The following NAV3 variants were observed in gnomAD, a reference collection of about 807,000 sequenced individuals.
The protein encoded by NAV3 is pore membrane and/or filament interacting like protein 1.
A neutral mutation model predicts 244.7 loss-of-function variants in NAV3; 87 were observed. The ratio of observed to expected loss-of-function variants is 0.36; its 90% confidence interval spans 0.30 to 0.42. The LOEUF is 0.42. NAV3 is among the 20% of genes least tolerant of loss of function. The pLI is 1.00. For missense variants in NAV3, 2,663 were observed against 2,893.3 expected, an observed-to-expected ratio of 0.92 and a Z score of 1.83; for synonymous variants, 1,126 against 1,042.2, an observed-to-expected ratio of 1.08 and a Z score of -1.55.
At position 77,628,593 on chromosome 12, in the gene NAV3, C is replaced by T. The variant is rs1871741704; in HGVS notation, c.72+56327C>T. 3.3e-5 allele frequency among the ~76,000 whole-genome samples: 5 copies of T among 152,048 alleles called. No individual in the cohort carries two copies. In the South Asian group the frequency reaches 1.0e-3, roughly 32 times the overall value. ...TATTTGCAAATTGCTTTTCAAGAAT[C>T]CAAAATCTGTCCAGGTGTGGTGGCT... is the stretch of plus-strand genomic sequence containing the variant. On this transcript the variant is annotated intron_variant, in intron 2 of 8. Coordinates refer to the NAV3 transcript ENST00000550042.
chr12:77,801,080 A>G (rs2135970250), intron 2 of NAV3, among the ~76,000 whole-genome samples: 1 of 152,286 alleles, frequency 6.6e-6, no homozygotes, highest in East Asian at 1.9e-4. Context: ...TCTAATCCAG[A>G]TAGACCTCAG....
At chr12:77,833,090 A>T (rs547629466) in intron 1 of NAV3, among the ~76,000 whole-genome samples, 4 of 152,174 alleles carry the variant, frequency 2.6e-5, no homozygotes, top group Non-Finnish European at 5.9e-5. Context: ...AGTCTTTGCT[A>T]GCTATCCCTT....
chr12:77,618,259 A>G (rs1871220779), intron 2 of NAV3, among the ~76,000 whole-genome samples: 2 of 152,196 alleles, frequency 1.3e-5, no homozygotes, highest in African/African-American at 2.4e-5. Flanking sequence ...TTCATGACCC[A>G]TAGAAACTAC....
chr12:78,161,229 G>A (rs1331844948), intron 23 of NAV3, among the ~76,000 whole-genome samples: 1 of 152,036 alleles, frequency 6.6e-6, no homozygotes, highest in African/African-American at 2.4e-5. Flanking sequence ...TCACCATGAG[G>A]AGTAAATCAG....
At chr12:77,713,927 GC>G (rs1375794043) in intron 2 of NAV3, among the ~76,000 whole-genome samples, 3 of 151,820 alleles carry the variant, frequency 2.0e-5, no homozygotes. Context: ...AAAATTATGT[GC>G]CCAATAAACA....
chr12:77,962,787 G>A (rs1398721688), intron 3 of NAV3, among the ~76,000 whole-genome samples: 1 of 152,124 alleles, frequency 6.6e-6, no homozygotes, highest in South Asian at 2.1e-4. Context: ...ACAGAAGACA[G>A]TACAGTGCAC....
chr12:78,144,873 A>G (rs1220021546), intron 20 of NAV3, among the ~76,000 whole-genome samples: 2 of 139,742 alleles, frequency 1.4e-5, no homozygotes, highest in East Asian at 2.3e-4. Context: ...TGAGTTGTGA[A>G]TGCGCAGTGC....
Position 78,180,924 on chromosome 12 carries a change from T to A in NAV3, c.5571T>A (p.Gly1857=), listed in dbSNP as rs1395142164. ...AENDRLKAET[G]NTAKPTRPPS... is the part of the protein sequence containing the mutation. ...ATGACCGGTTGAAGGCAGAAACTGG[T>A]AACACAGCTAAGCCTACTCGGCCAC... The change falls in exon 30 of 40, where the codon GGT becomes GGA. Residue 1857 remains glycine, a synonymous_variant. Transcript: ENST00000397909. 1.2e-6 allele frequency: 2 copies of A among 1,612,982 alleles called. No homozygotes were observed. The highest frequency in any genetic ancestry group is 2.2e-5 in the East Asian group (1 of 44,736).
intron 2 of NAV3, among the ~76,000 whole-genome samples, chr12:77,614,040 C>T (rs1419368377): frequency 6.0e-5 from 9 of 149,252 alleles, no homozygotes; most frequent in African/African-American, 1.7e-4. Context: ...ATTCTAGCAA[C>T]GCCTCTTTGA....
At chr12:78,137,506 G>A in intron 19 of NAV3, 141 bp downstream of exon 19, 1 of 839,822 alleles carries the variant, frequency 1.2e-6, no homozygotes. Context: ...GAAGCTTGAA[G>A]AAGTTTTATT....
chr12:78,050,616 C>A lies in NAV3; in HGVS notation c.2133-148C>A, dbSNP rs1043292417. The A allele has an allele frequency of 1.3e-5, 11 of 822,332 alleles. No individual in the cohort carries two copies. The Admixed American group carries it at 1.4e-4, about 10-fold the overall frequency. 50.9% of individuals were successfully genotyped at this position (822,332 alleles called of 1,614,324 possible). A position where few individuals can be genotyped will look rare whatever the true frequency, so the allele number is the denominator to read the frequency against. On this transcript the variant is annotated intron_variant, in intron 10 of 39. Coordinates refer to ENST00000397909, the MANE Select transcript of NAV3 (RefSeq NM_001024383.2). ...ATGTATGCCCCTTTCCACAATTTGA[C>A]CTCAAAATGAATATAGAGTTTAGCT...
intron 2 of NAV3, among the ~76,000 whole-genome samples, chr12:77,750,664 C>T (rs990661334): frequency 6.6e-6 from 1 of 152,036 alleles, no homozygotes; most frequent in Non-Finnish European, 1.5e-5. Context: ...GCAAATGGAT[C>T]TCAGGGCTCC....
At chr12:78,027,101 A>C (rs557555287) in intron 9 of NAV3, among the ~76,000 whole-genome samples, 1 of 152,288 alleles carries the variant, frequency 6.6e-6, no homozygotes, top group African/African-American at 2.4e-5. Flanking sequence ...AGAGTTCAGA[A>C]GCTCTCCCCG....
At chr12:78,011,146 C>T (rs1347688008) in intron 8 of NAV3, among the ~76,000 whole-genome samples, 1 of 152,044 alleles carries the variant, frequency 6.6e-6, no homozygotes, top group Non-Finnish European at 1.5e-5. Flanking sequence ...TTCCTGATAA[C>T]TAGAGCTACC....
rs1319266039 is a variant in NAV3, at chr12:78,150,629, CCTCA to C, written c.4785+1712_4785+1715del. ...ACTTAATACACACGTGCAAAAGCTT[CCTCA>C]CACACACACACACACACACACACAC... is the stretch of plus-strand genomic sequence containing the variant. On this transcript the variant is annotated intron_variant, in intron 22 of 39. Transcript: ENST00000397909. Among the ~76,000 whole-genome samples the C allele has an allele frequency of 6.4e-3, 785 of 122,630 alleles. 3 individuals carry two copies. The highest frequency in any genetic ancestry group is 0.018 in the African/African-American group (617 of 34,770). The allele number at this position is 122,630 out of a possible 152,430, so 80.5% of individuals were successfully genotyped here. A position where few individuals can be genotyped will look rare whatever the true frequency, so the allele number is the denominator to read the frequency against.
rs1408165740 is a variant in NAV3, at chr12:78,121,832, A to T, written c.3750-108A>T. The T allele has an allele frequency of 2.2e-6, 3 of 1,345,424 alleles. No homozygotes were observed. The African/African-American group carries it at 4.4e-5, about 20-fold the overall frequency. The allele number at this position is 1,345,424 out of a possible 1,614,324, so 83.3% of individuals were successfully genotyped here. Reference sequence around the variant, plus strand: ...AACATAGAGACAGGAAGTGCTTTGTAGTTCAGTACATCAAAGCACACTTGG... The same window carrying T: ...AACATAGAGACAGGAAGTGCTTTGTTGTTCAGTACATCAAAGCACACTTGG... On this transcript the variant is annotated intron_variant, in intron 15 of 39. Coordinates refer to ENST00000397909, the MANE Select transcript of NAV3 (RefSeq NM_001024383.2).
chr12:78,013,536 T>C (rs988701220), intron 8 of NAV3, among the ~76,000 whole-genome samples: 1 of 152,098 alleles, frequency 6.6e-6, no homozygotes, highest in African/African-American at 2.4e-5. Flanking sequence ...GGTCGGCAAG[T>C]AGGTCAGTTT....
At chr12:78,112,404 C>T (rs902957242) in intron 12 of NAV3, among the ~76,000 whole-genome samples, 13 of 151,996 alleles carry the variant, frequency 8.6e-5, no homozygotes, top group Admixed American at 2.0e-4. Flanking sequence ...GAAGACATAC[C>T]CCAAATTGGG....
intron 16 of NAV3, among the ~76,000 whole-genome samples, chr12:78,125,200 A>C (rs1449253506): frequency 6.6e-6 from 1 of 152,164 alleles, no homozygotes; most frequent in Non-Finnish European, 1.5e-5. Context: ...CCAGAGAGAA[A>C]ATGTGTTAAT....
Sources: gnomAD v4.1 joint callset for allele counts (sites outside exome capture counted in the v4.1 genomes callset) on GRCh38, gnomAD v4.1.1 for gene constraint, MANE v1.5 for transcripts, NCBI Gene and HGNC (gene_info 2026-07-23, HGNC 2026-07-21) for gene names.